The following TRIM37 variants were observed in gnomAD, a reference collection of about 807,000 sequenced individuals.
TRIM37 encodes tripartite motif containing 37.
In TRIM37, 80 loss-of-function variants were observed where a neutral mutation model predicts 129.8. The ratio of observed to expected loss-of-function variants is 0.62; its 90% CI spans 0.51 to 0.74. The LOEUF (loss-of-function observed/expected upper bound fraction) is 0.74. TRIM37 is among the 30% of genes least tolerant of loss of function. TRIM37 has a pLI of 0.00. For synonymous variants in TRIM37, 389 were observed against 387.1 expected (o/e 1.00, Z -0.06); for missense variants, 1,054 against 1,176.5 (o/e 0.90, Z 1.52).
At chr17:59,055,986 C>G (rs1246385539) in intron 13 of TRIM37, among the ~76,000 whole-genome samples, 1 of 152,140 alleles carries the variant, frequency 6.6e-6, no homozygotes, top group Non-Finnish European at 1.5e-5. Flanking sequence ...CTTGACTCTT[C>G]TACTTTTAAT....
At chr17:59,052,753 G>T (rs141355139) in intron 13 of TRIM37, among the ~76,000 whole-genome samples, 1 of 152,144 alleles carries the variant, frequency 6.6e-6, no homozygotes, top group South Asian at 2.1e-4. Flanking sequence ...TCAGGAGTTC[G>T]AGACCAGCGT....
downstream of TRIM37, among the ~76,000 whole-genome samples, chr17:58,995,736 A>C (rs1014626569): frequency 2.5e-4 from 38 of 152,338 alleles, no homozygotes; most frequent in African/African-American, 8.4e-4. Flanking sequence ...AAAATTCGTA[A>C]GCAAGAGTTT....
chr17:59,081,558 C>A lies in TRIM37; in HGVS notation c.370-339G>T, dbSNP rs116349481. 5.7e-3 allele frequency among the ~76,000 whole-genome samples: 874 copies of A among 152,244 alleles called. 13 individuals are homozygous for A. Among genetic ancestry groups the A allele is most frequent in the African/African-American group, 0.02 (845 of 41,520 alleles). On this transcript the variant is annotated intron_variant, in intron 5 of 23. Transcript: ENST00000262294. ...TCTCTAAGGCAAACTAGTCTTCTTC[C>A]ATGTCCTCAAACTTCTTTCCACCAG...
chr17:58,987,519 G>C (rs539222526), intron 24 of TRIM37, among the ~76,000 whole-genome samples: 1 of 152,324 alleles, frequency 6.6e-6, no homozygotes, highest in South Asian at 2.1e-4. Context: ...AGAGCAGCCC[G>C]TACTACTGAT....
intron 9 of TRIM37, among the ~76,000 whole-genome samples, chr17:59,069,367 T>A (rs1032355861): frequency 6.6e-6 from 1 of 151,194 alleles, no homozygotes; most frequent in Non-Finnish European, 1.5e-5. Flanking sequence ...AATAAAATAA[T>A]AAATTAAAAA....
At chr17:59,042,912 G>A (rs1374567716) in intron 16 of TRIM37, among the ~76,000 whole-genome samples, 3 of 152,028 alleles carry the variant, frequency 2.0e-5, no homozygotes, top group Non-Finnish European at 2.9e-5. Flanking sequence ...ATTAGTGTTA[G>A]AAACACTAAT....
At chr17:59,041,928 T>C (rs755416317) in intron 16 of TRIM37, 30 bp from the exon 17 acceptor site, 14 of 1,518,688 alleles carry the variant, frequency 9.2e-6, no homozygotes, top group African/African-American at 1.4e-5. Flanking sequence ...ATCATTTATA[T>C]AGAGTGATAC....
At chr17:59,047,545 G>T in intron 16 of TRIM37, 138 bp downstream of exon 16, 1 of 857,958 alleles carries the variant, frequency 1.2e-6, no homozygotes, top group Non-Finnish European at 1.8e-6. Context: ...AGAGCCCAGA[G>T]ATTAGAGAGA....
chr17:59,077,753 T>A (rs2042931702), intron 7 of TRIM37, among the ~76,000 whole-genome samples: 1 of 134,772 alleles, frequency 7.4e-6, no homozygotes, highest in East Asian at 2.1e-4. Context: ...GAGGTTGCAG[T>A]GAGCCAAGAT....
chr17:59,085,044 G>A (rs761481706), intron 4 of TRIM37, among the ~76,000 whole-genome samples: 42 of 152,254 alleles, frequency 2.8e-4, no homozygotes, highest in Non-Finnish European at 5.1e-4. Context: ...ACTACAGGCC[G>A]GGTGCAGCGG....
At chr17:59,016,142 C>T (rs1259840701) in intron 20 of TRIM37, among the ~76,000 whole-genome samples, 1 of 151,986 alleles carries the variant, frequency 6.6e-6, no homozygotes, top group Non-Finnish European at 1.5e-5. Context: ...GCCTGTAATC[C>T]TGGCACTCTG....
At chr17:59,065,151 A>G (rs1490652829) in intron 9 of TRIM37, among the ~76,000 whole-genome samples, 1 of 152,162 alleles carries the variant, frequency 6.6e-6, no homozygotes, top group East Asian at 1.9e-4. Context: ...AGTACAAGAA[A>G]TACACTTTAA....
Position 59,045,410 on chromosome 17 carries a change from C to T in TRIM37, c.1667+2273G>A, listed in dbSNP as rs545459702. ...ATTCCAGCACTTTGGGAGGCCAAGACGGGTGGATCACGAGGTCAGGTGTTT... is the reference window on the plus strand; with the variant it reads ...ATTCCAGCACTTTGGGAGGCCAAGATGGGTGGATCACGAGGTCAGGTGTTT... On this transcript the variant is annotated intron_variant, in intron 16 of 23. Coordinates refer to ENST00000262294, the MANE Select transcript of TRIM37 (RefSeq NM_015294.6). Among the ~76,000 whole-genome samples the T allele has an allele frequency of 9.9e-5, 15 of 151,386 alleles. 1 individual carries two copies. The South Asian group carries it at 2.9e-3, about 30-fold the overall frequency.
intron 9 of TRIM37, among the ~76,000 whole-genome samples, chr17:59,069,751 C>G (rs2042210315): frequency 6.6e-6 from 1 of 152,132 alleles, no homozygotes; most frequent in Admixed American, 6.5e-5. Flanking sequence ...TAGCCAGGGC[C>G]TTTAGGAAGA....
chr17:59,046,655 GC>G (rs1334946423), intron 16 of TRIM37, among the ~76,000 whole-genome samples: 6 of 150,942 alleles, frequency 4.0e-5, no homozygotes, highest in Non-Finnish European at 8.8e-5. Flanking sequence ...TCCTGCCTCA[GC>G]CTACCAAGTA....
intron 5 of TRIM37, among the ~76,000 whole-genome samples, chr17:59,081,563 C>T (rs2043254256): frequency 6.6e-6 from 1 of 152,144 alleles, no homozygotes; most frequent in Admixed American, 6.5e-5. Flanking sequence ...TCTTCCATGT[C>T]CTCAAACTTC....
intron 21 of TRIM37, among the ~76,000 whole-genome samples, 170 bp from the exon 22 acceptor site, chr17:59,012,616 G>C (rs1358947054): frequency 3.3e-5 from 5 of 152,138 alleles, no homozygotes; most frequent in Non-Finnish European, 4.4e-5. Flanking sequence ...AGTGGCTTAT[G>C]CCTGTAATCC....
At chr17:59,075,121 T>C (rs2042692648) in intron 8 of TRIM37, among the ~76,000 whole-genome samples, 1 of 152,190 alleles carries the variant, frequency 6.6e-6, no homozygotes, top group Non-Finnish European at 1.5e-5. Flanking sequence ...AAGCAGAATG[T>C]AGTTCTAATG....
At chr17:58,968,720 A>C in the TRIM37 span, among the ~76,000 whole-genome samples, 2,158 of 152,338 alleles carry the variant, frequency 0.014, 30 homozygotes, top group Non-Finnish European at 0.017. Flanking sequence ...CTGAGATTTA[A>C]ACACTTGAGC....
Sources: gnomAD v4.1 joint callset for allele counts (sites outside exome capture counted in the v4.1 genomes callset) on GRCh38, gnomAD v4.1.1 for gene constraint, MANE v1.5 for transcripts, NCBI Gene and HGNC (gene_info 2026-07-23, HGNC 2026-07-21) for gene names.